Variants in SLC24A2 observed in about 807,000 individuals in gnomAD.
SLC24A2 encodes the protein solute carrier family 24 member 2, also known as sodium/potassium/calcium exchanger 2.
In SLC24A2, 36 loss-of-function variants were observed where a neutral mutation model predicts 62.0. That is an observed-to-expected ratio of 0.58 (90% CI 0.44 to 0.77). SLC24A2 has a LOEUF of 0.77. Ranked by LOEUF, SLC24A2 falls within the 30% of genes least tolerant of loss-of-function variation. SLC24A2 has a pLI of 0.00. For missense variants in SLC24A2, 846 were observed against 817.9 expected (o/e 1.03, Z -0.42); for synonymous variants, 358 against 294.0 (o/e 1.22, Z -2.23).
the SLC24A2 span, among the ~76,000 whole-genome samples, chr9:19,858,065 G>A: frequency 6.6e-6 from 1 of 152,112 alleles, no homozygotes; most frequent in Non-Finnish European, 1.5e-5. Context: ...TAAGCCAAAG[G>A]AGCAAAGCTG....
intron 2 of SLC24A2, among the ~76,000 whole-genome samples, chr9:19,669,068 T>C (rs1378043974): frequency 6.6e-6 from 1 of 152,222 alleles, no homozygotes; most frequent in African/African-American, 2.4e-5. Context: ...TTTGGCTAAA[T>C]TGTATTTATA....
At chr9:20,118,905 G>T in the SLC24A2 span, among the ~76,000 whole-genome samples, 9 of 152,024 alleles carry the variant, frequency 5.9e-5, no homozygotes, top group Non-Finnish European at 1.0e-4. Context: ...TATGTCAAAG[G>T]TGGTGAGATG....
the SLC24A2 span, among the ~76,000 whole-genome samples, chr9:19,875,018 G>C: frequency 1.1e-5 from 1 of 87,180 alleles, no homozygotes; most frequent in Non-Finnish European, 2.6e-5. Context: ...AAAAAAAAAA[G>C]CTCAGCCAAA....
rs553834657 is a variant in SLC24A2 at position 19,647,985 on chromosome 9, G to C, written c.931-25686C>G. ...GTGGTAGTGACAGGGAACATGTATG[G>C]AAGGCAAGAAAGAAAGATAAAAGAT... On this transcript the variant is annotated intron_variant, in intron 2 of 10. Transcript: ENST00000341998. 3.3e-5 allele frequency among the ~76,000 whole-genome samples: 5 copies of C among 152,274 alleles called. No individual in the cohort carries two copies. In the South Asian group the frequency reaches 1.0e-3, roughly 32 times the overall value.
At chr9:19,661,463 T>C (rs1224735710) in intron 2 of SLC24A2, among the ~76,000 whole-genome samples, 3 of 152,150 alleles carry the variant, frequency 2.0e-5, no homozygotes, top group East Asian at 1.9e-4. Context: ...TCAGAATTTA[T>C]TGTAAAATCA....
At chr9:20,122,661 G>A in the SLC24A2 span, among the ~76,000 whole-genome samples, 1 of 152,122 alleles carries the variant, frequency 6.6e-6, no homozygotes, top group Non-Finnish European at 1.5e-5. Context: ...ACTCCAGCCT[G>A]GGCGACAGAG....
chr9:20,024,523 C>G, the SLC24A2 span, among the ~76,000 whole-genome samples: 1 of 152,142 alleles, frequency 6.6e-6, no homozygotes, highest in Non-Finnish European at 1.5e-5. Flanking sequence ...TTAATTGGTT[C>G]GCACTCAGCC....
the SLC24A2 span, among the ~76,000 whole-genome samples, chr9:20,019,364 T>C: frequency 6.6e-6 from 1 of 152,050 alleles, no homozygotes; most frequent in Non-Finnish European, 1.5e-5. Flanking sequence ...ATTTTAGATA[T>C]AAGGAAGGGG....
At chr9:20,070,730 CA>C in the SLC24A2 span, among the ~76,000 whole-genome samples, 3 of 152,162 alleles carry the variant, frequency 2.0e-5, no homozygotes, top group African/African-American at 7.2e-5. Context: ...GATTAATGCT[CA>C]AAAACCCTCT....
chr9:19,901,671 T>C, the SLC24A2 span, among the ~76,000 whole-genome samples: 1 of 152,330 alleles, frequency 6.6e-6, no homozygotes, highest in African/African-American at 2.4e-5. Context: ...AATATTGTAG[T>C]ATCTACAATT....
the SLC24A2 span, among the ~76,000 whole-genome samples, chr9:20,107,717 T>C: frequency 6.6e-6 from 1 of 152,110 alleles, no homozygotes; most frequent in Non-Finnish European, 1.5e-5. Flanking sequence ...AAGACTTAAA[T>C]GTTAGACCTA....
the SLC24A2 span, chr9:19,929,918 A>C: frequency 6.6e-6 from 1 of 152,212 alleles, no homozygotes; most frequent in Admixed American, 6.5e-5. Flanking sequence ...AAATATTAAA[A>C]ATTTTAAACA....
At chr9:19,829,789 GTGTGTGTGTATA>G in the SLC24A2 span, among the ~76,000 whole-genome samples, 1 of 23,418 alleles carries the variant, frequency 4.3e-5, no homozygotes, top group Non-Finnish European at 2.0e-4. Flanking sequence ...GTGTGTGTGT[GTGTGTGTGTATA>G]TATATATATA....
At chr9:19,874,355 G>C in the SLC24A2 span, among the ~76,000 whole-genome samples, 5 of 152,064 alleles carry the variant, frequency 3.3e-5, no homozygotes, top group African/African-American at 9.7e-5. Context: ...ATACAGAATA[G>C]AGAAGTGTTG....
chr9:19,676,358 C>A (rs1016390918), intron 2 of SLC24A2, among the ~76,000 whole-genome samples: 1 of 152,198 alleles, frequency 6.6e-6, no homozygotes, highest in African/African-American at 2.4e-5. Context: ...GCTGCTCTGT[C>A]CATCTGAGTG....
At chr9:19,947,808 A>AAAAGAAAGAGAGAAAGAAAG in the SLC24A2 span, among the ~76,000 whole-genome samples, 2 of 59,228 alleles carry the variant, frequency 3.4e-5, no homozygotes, top group Non-Finnish European at 6.1e-5. Context: ...AAAAAAAAAA[A>AAAAGAAAGAGAGAAAGAAAG]AAAGAAAGAA....
rs1832677415 is a variant in SLC24A2 at position 19,510,470 on chromosome 9, TTAAGTGGA to T, written c.*5675_*5682del. 1.4e-5 allele frequency: 2 copies of T among 142,606 alleles called. 1 individual carries two copies. Among genetic ancestry groups the T allele is most frequent in the South Asian group, 4.5e-4 (2 of 4,452 alleles). The allele number at this position is 142,606 out of a possible 1,614,324, so 8.8% of individuals were successfully genotyped here. A position where few individuals can be genotyped will look rare whatever the true frequency, so the allele number is the denominator to read the frequency against. On this transcript the variant is annotated 3_prime_UTR_variant, in exon 11 of 11. Coordinates refer to ENST00000341998, the MANE Select transcript of SLC24A2 (RefSeq NM_020344.4). ...AAAAAAAAAAAAAAAAGTTAAGTCA[TTAAGTGGA>T]TGGGTTTGGGTTAACTTGGAGGGAG...
chr9:20,014,437 T>G, the SLC24A2 span, among the ~76,000 whole-genome samples: 10 of 151,074 alleles, frequency 6.6e-5, no homozygotes, highest in African/African-American at 2.0e-4. Flanking sequence ...CCACGATTAC[T>G]GCAGCATTAT....
the SLC24A2 span, among the ~76,000 whole-genome samples, chr9:20,278,927 TCA>T: frequency 6.6e-6 from 1 of 152,150 alleles, no homozygotes; most frequent in Admixed American, 6.5e-5. Context: ...TTTAATTGAC[TCA>T]CAGTTCCACA....
Sources: allele counts gnomAD v4.1 joint callset (sites outside exome capture counted in the v4.1 genomes callset), GRCh38; gene constraint gnomAD v4.1.1; transcripts MANE v1.5; gene names NCBI Gene and HGNC (gene_info 2026-07-23, HGNC 2026-07-21).